The following ZCWPW2 variants were observed in gnomAD, a reference collection of about 807,000 sequenced individuals.
ZCWPW2 encodes zinc finger CW-type and PWWP domain containing 2.
Under a neutral mutation model 46.6 loss-of-function variants are expected in ZCWPW2, and 45 were observed. That is an observed-to-expected ratio of 0.96 (90% CI 0.76 to 1.24). ZCWPW2 has a LOEUF of 1.24. ZCWPW2 is among the 50% of genes most tolerant of loss of function. The pLI is 0.00. For synonymous variants in ZCWPW2, 152 were observed against 137.1 expected, an observed-to-expected ratio of 1.11 and a Z score of -0.76; for missense variants, 429 against 403.9, an observed-to-expected ratio of 1.06 and a Z score of -0.53.
chr3:28,514,314 T>A (rs368322137), intron 7 of ZCWPW2, among the ~76,000 whole-genome samples, 192 bp downstream of exon 7: 1 of 151,970 alleles, frequency 6.6e-6, no homozygotes, highest in African/African-American at 2.4e-5. Flanking sequence ...GCCTACCTCC[T>A]ATATTATCCA....
At chr3:28,463,034 G>C (rs1208568591) in intron 4 of ZCWPW2, among the ~76,000 whole-genome samples, 1 of 152,118 alleles carries the variant, frequency 6.6e-6, no homozygotes, top group East Asian at 1.9e-4. Context: ...CAGACATAGA[G>C]CATTATCTTC....
chr3:28,376,174 G>A (rs1705495244), intron 1 of ZCWPW2, among the ~76,000 whole-genome samples: 1 of 151,890 alleles, frequency 6.6e-6, no homozygotes, highest in Non-Finnish European at 1.5e-5. Flanking sequence ...TGGGATTGCT[G>A]GTACTTGATA....
chr3:28,436,323 C>CTTTTTTTTTTTTTTTT (rs71087698), intron 4 of ZCWPW2, among the ~76,000 whole-genome samples: 3 of 116,838 alleles, frequency 2.6e-5, no homozygotes, highest in Admixed American at 1.0e-4. Flanking sequence ...TCTTTTTTTT[C>CTTTTTTTTTTTTTTTT]TTTTTTTTTT....
intron 5 of ZCWPW2, among the ~76,000 whole-genome samples, chr3:28,483,539 A>G (rs1699500038): frequency 1.3e-5 from 2 of 152,142 alleles, no homozygotes; most frequent in South Asian, 4.1e-4. Context: ...TAGCATTTTT[A>G]TTGGGATTAT....
chr3:28,349,081 G>A lies in ZCWPW2; in HGVS notation c.-256G>A, dbSNP rs1704414567. On this transcript the variant is annotated 5_prime_UTR_variant, in exon 1 of 10. Coordinates refer to ENST00000383768, the MANE Select transcript of ZCWPW2 (RefSeq NM_001040432.4). ...GCTGGGAGGGCGTTAGCGAAGCCAGGTTCGGTCGTGGGGGTGGGGAAGTGC... is the reference window on the plus strand; with the variant it reads ...GCTGGGAGGGCGTTAGCGAAGCCAGATTCGGTCGTGGGGGTGGGGAAGTGC... 13 of 985,598 alleles carry A rather than the reference G, an allele frequency of 1.3e-5. No homozygotes were observed. Among genetic ancestry groups the A allele is most frequent in the African/African-American group, 1.7e-5 (1 of 57,250 alleles). The allele number at this position is 985,598 out of a possible 1,614,324, so 61.1% of individuals were successfully genotyped here.
intron 3 of ZCWPW2, among the ~76,000 whole-genome samples, chr3:28,427,609 T>A (rs1697070571): frequency 6.6e-6 from 1 of 152,206 alleles, no homozygotes; most frequent in Non-Finnish European, 1.5e-5. Flanking sequence ...TTCTCTTTCA[T>A]TAGCATCCAA....
intron 3 of ZCWPW2, among the ~76,000 whole-genome samples, chr3:28,424,171 C>G (rs1696908667): frequency 6.6e-6 from 1 of 151,462 alleles, no homozygotes; most frequent in Non-Finnish European, 1.5e-5. Flanking sequence ...TTCAACTATT[C>G]TCCATGAAGA....
At chr3:28,453,839 T>A (rs1698321331) in intron 4 of ZCWPW2, among the ~76,000 whole-genome samples, 1 of 148,480 alleles carries the variant, frequency 6.7e-6, no homozygotes, top group Admixed American at 6.7e-5. Context: ...TTATTTTTAT[T>A]TTTTTTATTA....
At chr3:28,443,929 C>T (rs1032055432) in intron 4 of ZCWPW2, among the ~76,000 whole-genome samples, 8 of 146,130 alleles carry the variant, frequency 5.5e-5, no homozygotes, top group African/African-American at 2.2e-4. Context: ...GCCTTTGGAC[C>T]CCTTCCTCTA....
Position 28,413,310 on chromosome 3 carries a change from AG to A in ZCWPW2, c.243del (p.Glu81AspfsTer24). On this transcript the variant is annotated frameshift_variant, in exon 3 of 10. Coordinates refer to ENST00000383768, the MANE Select transcript of ZCWPW2 (RefSeq NM_001040432.4). LOFTEE classifies it high-confidence loss of function. The part of the protein sequence containing the change: ...CSISEEDFPE[E>X]SQLHQCGFKI... ...ATTTCTGAAGAAGACTTCCCTGAAG[AG>A]TCTCAGCTTCATCAGTGTGGATTTA... The A allele has an allele frequency of 6.2e-7, 1 of 1,613,312 alleles. No homozygotes were observed. Among genetic ancestry groups the A allele is most frequent in the South Asian group, 1.1e-5 (1 of 91,070 alleles).
intron 4 of ZCWPW2, among the ~76,000 whole-genome samples, chr3:28,461,274 G>T (rs1575162347): frequency 1.3e-5 from 2 of 152,028 alleles, no homozygotes; most frequent in Non-Finnish European, 1.5e-5. Context: ...CCACCCCCCA[G>T]ATTGGTCATA....
At position 28,375,532 on chromosome 3, in the gene ZCWPW2, T is replaced by C. The variant is rs1194120125; in HGVS notation, c.-133-14966T>C. 3.9e-5 allele frequency among the ~76,000 whole-genome samples: 6 copies of C among 152,190 alleles called. No individual in the cohort carries two copies. In the East Asian group the frequency reaches 1.2e-3, roughly 29 times the overall value. ...ATTTTTGTGGGTACATAGGTATATA[T>C]ATTTATGGGTTAACTGAGATGTTCT... is the stretch of plus-strand genomic sequence containing the variant. On this transcript the variant is annotated intron_variant, in intron 1 of 9. Transcript: ENST00000383768.
At chr3:28,408,878 C>CT (rs1409392799) in intron 2 of ZCWPW2, among the ~76,000 whole-genome samples, 1 of 152,034 alleles carries the variant, frequency 6.6e-6, no homozygotes, top group African/African-American at 2.4e-5. Context: ...TTATCTGAAT[C>CT]TCTTTTGGTA....
chr3:28,508,667 T>A (rs1700343694), intron 6 of ZCWPW2, among the ~76,000 whole-genome samples: 2 of 151,944 alleles, frequency 1.3e-5, no homozygotes, highest in South Asian at 4.1e-4. Flanking sequence ...TCCTGAGTAT[T>A]ACTGTTGTAT....
intron 1 of ZCWPW2, among the ~76,000 whole-genome samples, chr3:28,387,670 GA>G (rs1193891449): frequency 6.6e-6 from 1 of 152,050 alleles, no homozygotes; most frequent in Non-Finnish European, 1.5e-5. Context: ...AATAATTTAA[GA>G]ATAAGTTGCA....
chr3:28,484,779 G>T (rs1699540390), intron 5 of ZCWPW2, among the ~76,000 whole-genome samples: 1 of 137,164 alleles, frequency 7.3e-6, no homozygotes, highest in Non-Finnish European at 1.6e-5. Context: ...TCTTCCTTCT[G>T]TCCTGTCTTC....
intron 1 of ZCWPW2, among the ~76,000 whole-genome samples, chr3:28,371,397 T>C (rs527926642): frequency 2.6e-5 from 4 of 152,150 alleles, no homozygotes; most frequent in Non-Finnish European, 5.9e-5. Context: ...GATAGAAAAT[T>C]ACTGGGAGGA....
chr3:28,456,828 A>T (rs550236871), intron 4 of ZCWPW2, among the ~76,000 whole-genome samples: 1 of 152,308 alleles, frequency 6.6e-6, no homozygotes, highest in Non-Finnish European at 1.5e-5. Context: ...AGCCAACTTG[A>T]TCATGGTGGA....
chr3:28,360,634 A>C (rs890269711), intron 1 of ZCWPW2, among the ~76,000 whole-genome samples: 27 of 152,126 alleles, frequency 1.8e-4, no homozygotes, highest in Non-Finnish European at 2.1e-4. Flanking sequence ...TTTAATATAC[A>C]TCCCTCAGTA....
Sources: gnomAD v4.1 joint callset for allele counts (sites outside exome capture counted in the v4.1 genomes callset) on GRCh38, gnomAD v4.1.1 for gene constraint, MANE v1.5 for transcripts, NCBI Gene and HGNC (gene_info 2026-07-23, HGNC 2026-07-21) for gene names.